Variants in GLRX observed in about 807,000 individuals in gnomAD.
The protein encoded by GLRX is glutaredoxin.
A neutral mutation model predicts 11.1 loss-of-function variants in GLRX; 9 were observed. The ratio of observed to expected loss-of-function variants is 0.81; its 90% CI spans 0.49 to 1.42. The LOEUF (loss-of-function observed/expected upper bound fraction) is 1.42, where lower values mean the gene tolerates loss of function less well. GLRX is among the 40% of genes most tolerant of loss of function. The pLI is 0.00. For synonymous variants in GLRX, 49 were observed against 49.5 expected (o/e 0.99, Z 0.04); for missense variants, 102 against 126.2 (o/e 0.81, Z 0.92).
At chr5:95,819,318 A>G (rs1305874734) in intron 1 of GLRX, 1 of 152,260 alleles carries the variant, frequency 6.6e-6, no homozygotes, top group African/African-American at 2.4e-5. Flanking sequence ...AATACTTTCT[A>G]AGGTAAACAA....
intron 1 of GLRX, among the ~76,000 whole-genome samples, chr5:95,821,434 T>A (rs1160289752): frequency 6.7e-6 from 1 of 150,222 alleles, no homozygotes; most frequent in African/African-American, 2.5e-5. Flanking sequence ...AAGCCCCCTT[T>A]CTGCACCAAA....
At chr5:95,820,430 A>G (rs1561467933) in intron 1 of GLRX, among the ~76,000 whole-genome samples, 1 of 151,392 alleles carries the variant, frequency 6.6e-6, no homozygotes, top group East Asian at 2.0e-4. Context: ...TGAAAAAGCA[A>G]TTGTTGACCA....
intron 2 of GLRX, among the ~76,000 whole-genome samples, chr5:95,815,423 AC>A (rs778804857): frequency 6.6e-6 from 1 of 152,190 alleles, no homozygotes; most frequent in Non-Finnish European, 1.5e-5. Flanking sequence ...ATTTTTTCAG[AC>A]CTTTTTCCCC....
At chr5:95,822,086 C>T in intron 1 of GLRX, 1 of 264,590 alleles carries the variant, frequency 3.8e-6, no homozygotes, top group Non-Finnish European at 7.3e-6. Flanking sequence ...TCACACCCGG[C>T]CCTCCACCCC....
chr5:95,814,648 G>A (rs1746917819), intron 2 of GLRX: 1 of 152,414 alleles, frequency 6.6e-6, no homozygotes, highest in Non-Finnish European at 1.5e-5. Flanking sequence ...TGGCTTAGAG[G>A]TAGAGACATG....
At chr5:95,815,167 A>T (rs1334485594) in intron 2 of GLRX, among the ~76,000 whole-genome samples, 4 of 152,236 alleles carry the variant, frequency 2.6e-5, no homozygotes, top group Admixed American at 1.3e-4. Context: ...TCTAATGCCC[A>T]CACCAAAATA....
chr5:95,821,500 T>A (rs958105817), intron 1 of GLRX, among the ~76,000 whole-genome samples: 5 of 152,146 alleles, frequency 3.3e-5, no homozygotes, highest in Non-Finnish European at 5.9e-5. Flanking sequence ...TGCTTTATAC[T>A]CAGAACCCAG....
rs571922649 is a variant in GLRX, at chr5:95,821,547, A to G, written c.207+909T>C. On this transcript the variant is annotated intron_variant, in intron 1 of 2. Transcript: ENST00000237858. ...TAAGTCAAACTAAAACTGAAATAGG[A>G]TATGTGCTTGGCCTAACACTGTGCT... Among the ~76,000 whole-genome samples the G allele has an allele frequency of 2.6e-5, 4 of 152,328 alleles. No homozygotes were observed. The South Asian group carries it at 6.2e-4, about 24-fold the overall frequency.
In GLRX at chr5:95,814,035, G is replaced by A. The variant is rs898241813; in HGVS notation, c.*361C>T. On this transcript the variant is annotated 3_prime_UTR_variant, in exon 3 of 3. Transcript: ENST00000237858. ...TTAAGTGTTGTCACTAGAGATTGAAGGAAATTAACAATCTTACAATTCTAG... is the reference window on the plus strand; with the variant it reads ...TTAAGTGTTGTCACTAGAGATTGAAAGAAATTAACAATCTTACAATTCTAG... The A allele has an allele frequency of 6.6e-6, 1 of 152,200 alleles. No homozygotes were observed. The highest frequency in any genetic ancestry group is 2.4e-5 in the African/African-American group (1 of 41,440). The allele number at this position is 152,200 out of a possible 1,614,324, so 9.4% of individuals were successfully genotyped here.
intron 1 of GLRX, chr5:95,819,028 C>T (rs1225158682): frequency 6.6e-6 from 1 of 152,260 alleles, no homozygotes; most frequent in Admixed American, 6.5e-5. Context: ...CTCAGTGAGA[C>T]CCAATGGCTC....
intron 1 of GLRX, among the ~76,000 whole-genome samples, chr5:95,821,812 G>A (rs1747248706): frequency 6.6e-6 from 1 of 152,110 alleles, no homozygotes; most frequent in Non-Finnish European, 1.5e-5. Flanking sequence ...TCTTGCAGCT[G>A]GGATCTTTGA....
chr5:95,813,860 C>T lies in GLRX; in HGVS notation c.*536G>A, dbSNP rs565666815. On this transcript the variant is annotated 3_prime_UTR_variant, in exon 3 of 3. Transcript: ENST00000237858. ...TTGTACTCAGTGAGTGACAGCAGCA[C>T]GTGTCTTTATTTATAATGGCAGGGC... 2.0e-5 allele frequency: 3 copies of T among 152,334 alleles called. No homozygotes were observed. The highest frequency in any genetic ancestry group is 1.9e-4 in the East Asian group (1 of 5,192). The allele number at this position is 152,334 out of a possible 1,614,324, so 9.4% of individuals were successfully genotyped here.
At chr5:95,816,779 T>C (rs1747015482) in intron 1 of GLRX, 153 bp from the exon 2 acceptor site, 1 of 571,116 alleles carries the variant, frequency 1.8e-6, no homozygotes, top group Non-Finnish European at 3.2e-6. Context: ...TTCCTTTCTG[T>C]TATAAGGGGT....
chr5:95,822,622 T>G lies in GLRX; in HGVS notation c.41A>C (p.Lys14Thr), dbSNP rs1487472369. The G allele has an allele frequency of 6.2e-7, 1 of 1,613,802 alleles. No homozygotes were observed. Among genetic ancestry groups the G allele is most frequent in the East Asian group, 2.2e-5 (1 of 44,896 alleles). Residue 14 changes from lysine to threonine, a missense_variant, in exon 1 of 3, where the codon AAG becomes ACG. By Grantham distance (78) the Lys-to-Thr change is moderately conservative (BLOSUM62 -1). Coordinates refer to ENST00000237858, the MANE Select transcript of GLRX (RefSeq NM_001118890.2). The stretch of plus-strand genomic sequence containing the variant: ...GGTGGGCTTGATGAACACAACCACC[T>G]TCCCAGGCTGGATTTTGCAGTTCAC... ...EFVNCKIQPG[K>T]VVVFIKPTCP...
chr5:95,816,788 G>A lies in GLRX; in HGVS notation c.208-162C>T, dbSNP rs1014691962. The A allele has an allele frequency of 5.4e-6, 3 of 550,996 alleles. No homozygotes were observed. The South Asian group carries it at 6.6e-5, about 12-fold the overall frequency. 34.1% of individuals were successfully genotyped at this position (550,996 alleles called of 1,614,324 possible). A position where few individuals can be genotyped will look rare whatever the true frequency, so the allele number is the denominator to read the frequency against. ...CAGGACTTCCTTTCTGTTATAAGGG[G>A]TAACATTATTAACTCGAGAATGTTT... On this transcript the variant is annotated intron_variant, in intron 1 of 2. Coordinates refer to ENST00000237858, the MANE Select transcript of GLRX (RefSeq NM_001118890.2).
chr5:95,822,325 AC>A, intron 1 of GLRX, 130 bp downstream of exon 1: 2 of 491,784 alleles, frequency 4.1e-6, no homozygotes, highest in Non-Finnish European at 3.7e-6. Context: ...CCTCCCCCAC[AC>A]CCCCCGCCCC....
At chr5:95,816,381 A>G (rs6556883) in intron 2 of GLRX, 126 bp downstream of exon 2, 455,273 of 599,022 alleles carry the variant, frequency 0.76, 178,027 homozygotes, top group Middle Eastern at 0.85. Context: ...TGACATCACC[A>G]TTCCTCAACT....
Position 95,822,679 on chromosome 5 carries a change from C to T in GLRX, c.-17G>A, listed in dbSNP as rs143097615. 15 of 1,609,642 alleles carry T rather than the reference C, an allele frequency of 9.3e-6. No homozygotes were observed. The African/African-American group carries it at 1.3e-4, about 14-fold the overall frequency. On this transcript the variant is annotated 5_prime_UTR_variant, in exon 1 of 3. Transcript: ENST00000237858. Reference sequence around the variant, plus strand: ...TTGAGCCATGCCGATGGGCTGCGGTCTCCCCGGGAAGAATCCTCAGTTGCA... The same window carrying T: ...TTGAGCCATGCCGATGGGCTGCGGTTTCCCCGGGAAGAATCCTCAGTTGCA...
rs35347478 is a variant in GLRX at position 95,819,897 on chromosome 5, C to CAAAAAA, written c.207+2553_207+2558dup. Among the ~76,000 whole-genome samples, 432 of 54,130 alleles carry CAAAAAA rather than the reference C, an allele frequency of 8.0e-3. 38 individuals carry two copies. The highest frequency in any genetic ancestry group is 0.027 in the African/African-American group (327 of 11,960). 35.5% of individuals were successfully genotyped at this position (54,130 alleles called of 152,430 possible). A position where few individuals can be genotyped will look rare whatever the true frequency, so the allele number is the denominator to read the frequency against. ...CTGGGCACAGAGGGAGACTCCGTCT[C>CAAAAAA]AAAAAAAAAAAAAAAAAAAAAAAAA... On this transcript the variant is annotated intron_variant, in intron 1 of 2. Transcript: ENST00000237858.
Sources: allele counts gnomAD v4.1 joint callset (sites outside exome capture counted in the v4.1 genomes callset), GRCh38; gene constraint gnomAD v4.1.1; transcripts MANE v1.5; gene names NCBI Gene and HGNC (gene_info 2026-07-23, HGNC 2026-07-21).